Variants in RBFOX1 observed in about 807,000 individuals in gnomAD.
The protein encoded by RBFOX1 is RNA binding protein fox-1 homolog 1.
RBFOX1 carries 8 observed loss-of-function variants against 57.7 expected under a neutral mutation model. The observed-to-expected ratio is 0.14, with a 90% CI of 0.08 to 0.25. RBFOX1 has a LOEUF of 0.25. RBFOX1 is among the 10% of genes least tolerant of loss of function. The pLI, the probability that RBFOX1 is intolerant of heterozygous loss-of-function variation, is 1.00. For synonymous variants in RBFOX1, 326 were observed against 222.4 expected (o/e 1.47, Z -4.15); for missense variants, 611 against 548.5 (o/e 1.11, Z -1.14).
chr16:6,070,395 CT>C (rs1430659933), intron 1 of RBFOX1, among the ~76,000 whole-genome samples: 18 of 152,168 alleles, frequency 1.2e-4, no homozygotes, highest in African/African-American at 4.3e-4. Flanking sequence ...GATTATCTGC[CT>C]TTTGCAAACA....
chr16:7,455,530 G>A (rs1259592363), intron 4 of RBFOX1, among the ~76,000 whole-genome samples: 2 of 152,026 alleles, frequency 1.3e-5, no homozygotes, highest in East Asian at 1.9e-4. Context: ...CGTGGCTCAT[G>A]CCTGTAATCC....
At chr16:7,352,506 C>T (rs149829196) in intron 4 of RBFOX1, among the ~76,000 whole-genome samples, 1 of 152,160 alleles carries the variant, frequency 6.6e-6, no homozygotes, top group African/African-American at 2.4e-5. Flanking sequence ...AACGCTTACT[C>T]CGGGCTGCCC....
intron 1 of RBFOX1, among the ~76,000 whole-genome samples, chr16:5,304,823 A>G (rs935495638): frequency 9.0e-6 from 1 of 111,004 alleles, no homozygotes; most frequent in Admixed American, 1.1e-4. Context: ...GAAGTTAGCC[A>G]TATAAAGTGA....
intron 3 of RBFOX1, among the ~76,000 whole-genome samples, chr16:5,643,417 C>T (rs920141936): frequency 2.0e-4 from 31 of 152,230 alleles, no homozygotes; most frequent in African/African-American, 7.5e-4. Flanking sequence ...GACTTGGCCC[C>T]ATGTTCTCCA....
At chr16:7,025,790 A>G (rs2040731659) in intron 3 of RBFOX1, among the ~76,000 whole-genome samples, 1 of 152,120 alleles carries the variant, frequency 6.6e-6, no homozygotes, top group Admixed American at 6.5e-5. Context: ...TGGCCAGCAG[A>G]TGGCGCTGCA....
intron 1 of RBFOX1, among the ~76,000 whole-genome samples, chr16:5,466,879 C>T (rs1286106646): frequency 1.3e-5 from 2 of 152,170 alleles, no homozygotes; most frequent in Non-Finnish European, 2.9e-5. Context: ...AGTTACTCTC[C>T]ACCCCGTAAT....
intron 4 of RBFOX1, among the ~76,000 whole-genome samples, chr16:7,225,942 A>T (rs1459382029): frequency 6.9e-6 from 1 of 145,192 alleles, no homozygotes; most frequent in Non-Finnish European, 1.5e-5. Flanking sequence ...CATGTTTCTG[A>T]GATGGGTGTC....
chr16:7,480,019 C>T (rs2063558530), intron 4 of RBFOX1, among the ~76,000 whole-genome samples: 1 of 152,152 alleles, frequency 6.6e-6, no homozygotes, highest in Admixed American at 6.5e-5. Flanking sequence ...CTGATGTTCC[C>T]CACCGATGTC....
chr16:7,421,348 G>T (rs563503834), intron 4 of RBFOX1, among the ~76,000 whole-genome samples: 2 of 152,252 alleles, frequency 1.3e-5, no homozygotes, highest in South Asian at 2.1e-4. Flanking sequence ...TAAACTGCAT[G>T]TATTTATGGC....
intron 3 of RBFOX1, among the ~76,000 whole-genome samples, chr16:6,884,208 G>A (rs2063512500): frequency 6.6e-6 from 1 of 152,188 alleles, no homozygotes; most frequent in Non-Finnish European, 1.5e-5. Context: ...TGGCTCATGT[G>A]CAGTCAGCCA....
At chr16:5,562,450 A>G (rs1246459880) in intron 2 of RBFOX1, among the ~76,000 whole-genome samples, 6 of 152,128 alleles carry the variant, frequency 3.9e-5, no homozygotes, top group Non-Finnish European at 7.4e-5. Flanking sequence ...CCAGGGCTGC[A>G]GTGAGATACC....
intron 4 of RBFOX1, among the ~76,000 whole-genome samples, chr16:7,058,008 A>AAG (rs2052973070): frequency 7.0e-6 from 1 of 143,644 alleles, no homozygotes; most frequent in Non-Finnish European, 1.5e-5. Flanking sequence ...ACTGTGGGGA[A>AAG]AAAAAAAAAA....
chr16:6,028,622 T>C (rs1214399112), intron 1 of RBFOX1, among the ~76,000 whole-genome samples: 1 of 151,840 alleles, frequency 6.6e-6, no homozygotes. Context: ...TTAAGGCTGC[T>C]ATGAGCTGTA....
intron 4 of RBFOX1, among the ~76,000 whole-genome samples, chr16:7,408,145 A>G (rs758646966): frequency 3.3e-5 from 5 of 152,224 alleles, no homozygotes; most frequent in Non-Finnish European, 4.4e-5. Flanking sequence ...GAACATACAC[A>G]TTCTTTGAAT....
At chr16:7,463,636 G>A (rs2059972924) in intron 4 of RBFOX1, among the ~76,000 whole-genome samples, 1 of 152,118 alleles carries the variant, frequency 6.6e-6, no homozygotes, top group African/African-American at 2.4e-5. Flanking sequence ...AGGGGTGAGA[G>A]GACTTAAACA....
intron 3 of RBFOX1, among the ~76,000 whole-genome samples, chr16:6,819,311 G>T (rs11865240): frequency 0.44 from 66,923 of 152,042 alleles, 15,576 homozygotes; most frequent in Non-Finnish European, 0.52. Flanking sequence ...TGCTCACTTA[G>T]GTTTGAATTA....
chr16:6,301,540 T>C (rs985093396), intron 1 of RBFOX1, among the ~76,000 whole-genome samples: 1 of 152,134 alleles, frequency 6.6e-6, no homozygotes, highest in African/African-American at 2.4e-5. Context: ...ATTAACTCCA[T>C]GTTGTGAAGA....
At chr16:6,145,681 C>A (rs2096752423) in intron 1 of RBFOX1, among the ~76,000 whole-genome samples, 2 of 152,050 alleles carry the variant, frequency 1.3e-5, no homozygotes, top group South Asian at 4.1e-4. Context: ...TCTCTTGTAC[C>A]TTACCTGTAG....
At chr16:7,299,533 G>T (rs1173557095) in intron 4 of RBFOX1, among the ~76,000 whole-genome samples, 1 of 152,176 alleles carries the variant, frequency 6.6e-6, no homozygotes, top group Non-Finnish European at 1.5e-5. Flanking sequence ...GGTTGGAATT[G>T]GTTCTGCCTG....
Sources: allele counts gnomAD v4.1 joint callset (sites outside exome capture counted in the v4.1 genomes callset), GRCh38; gene constraint gnomAD v4.1.1; transcripts MANE v1.5; gene names NCBI Gene and HGNC (gene_info 2026-07-23, HGNC 2026-07-21).